TOX: variants seen among roughly 807,000 people sequenced by gnomAD.
The protein encoded by TOX is thymocyte selection associated high mobility group box.
A neutral mutation model predicts 53.7 loss-of-function variants in TOX; 11 were observed. The observed-to-expected ratio is 0.20, with a 90% CI of 0.13 to 0.34. The LOEUF (loss-of-function observed/expected upper bound fraction) is 0.34. TOX is among the 10% of genes least tolerant of loss of function. TOX has a pLI of 1.00. For missense variants in TOX, 570 were observed against 664.6 expected (o/e 0.86, Z 1.56); for synonymous variants, 225 against 245.3 (o/e 0.92, Z 0.77).
chr8:59,118,708 C>T lies in TOX; in HGVS notation c.102+178G>A, dbSNP rs879564832. ...CGCACAATCGCGGTGTTTGGCAAGC[C>T]CCCGGAGCTACTCCACAATATTTAC... On this transcript the variant is annotated intron_variant, in intron 1 of 8. Transcript: ENST00000361421. This position sits in a 1 kb window ranked among gnomAD's most constrained non-coding sequence, Gnocchi z 4.1. 6.6e-6 allele frequency among the ~76,000 whole-genome samples: 1 copy of T among 152,110 alleles called. No homozygotes were observed. The highest frequency in any genetic ancestry group is 1.5e-5 in the Non-Finnish European group (1 of 68,016).
At chr8:59,008,102 C>G (rs1204300547) in intron 1 of TOX, among the ~76,000 whole-genome samples, 1 of 152,212 alleles carries the variant, frequency 6.6e-6, no homozygotes, top group Non-Finnish European at 1.5e-5. Context: ...TTCTTCCACT[C>G]ATCAGTTTCT....
intron 3 of TOX, among the ~76,000 whole-genome samples, chr8:58,885,017 T>C (rs575467293): frequency 1.5e-4 from 23 of 152,278 alleles, no homozygotes; most frequent in Admixed American, 7.9e-4. Flanking sequence ...AAGAGTTACC[T>C]GTATTTGCAG....
chr8:59,090,924 CA>C lies in TOX; in HGVS notation c.102+27961del, dbSNP rs374453748. Among the ~76,000 whole-genome samples the C allele has an allele frequency of 1.2e-4, 19 of 152,282 alleles. No homozygotes were observed. The South Asian group carries it at 3.9e-3, about 32-fold the overall frequency. On this transcript the variant is annotated intron_variant, in intron 1 of 8. Transcript: ENST00000361421. ...AAAGCACAAGTGTCCTTTATTCTAT[CA>C]AAGGCAGTCCCACCCCAGCCTCAGT...
intron 1 of TOX, among the ~76,000 whole-genome samples, chr8:59,004,561 GT>G (rs1324657017): frequency 2.6e-5 from 4 of 152,154 alleles, no homozygotes; most frequent in African/African-American, 9.7e-5. Flanking sequence ...TGGAAAAAAG[GT>G]TTTATTCGAT....
intron 3 of TOX, among the ~76,000 whole-genome samples, chr8:58,880,174 AAGTC>A (rs1811359752): frequency 6.6e-6 from 1 of 152,174 alleles, no homozygotes; most frequent in African/African-American, 2.4e-5. Context: ...GGGTGGAGGA[AAGTC>A]AGTAGTGTGC....
chr8:58,813,069 T>C (rs1810110526), intron 7 of TOX, among the ~76,000 whole-genome samples: 1 of 152,218 alleles, frequency 6.6e-6, no homozygotes, highest in Non-Finnish European at 1.5e-5. Flanking sequence ...TCAGCAAGCA[T>C]ACTTTTTGGG....
At chr8:59,111,541 C>A (rs1805017033) in intron 1 of TOX, among the ~76,000 whole-genome samples, 1 of 152,046 alleles carries the variant, frequency 6.6e-6, no homozygotes, top group African/African-American at 2.4e-5. Flanking sequence ...CACAAACACA[C>A]ACACACATGC....
chr8:58,939,599 C>A, intron 2 of TOX, 55 bp from the exon 3 acceptor site: 3 of 1,540,022 alleles, frequency 1.9e-6, no homozygotes, highest in East Asian at 2.3e-5. Flanking sequence ...TGCTCTTCAT[C>A]ATCATATCAA....
chr8:59,073,101 C>G (rs1037950315), intron 1 of TOX, among the ~76,000 whole-genome samples: 3 of 152,166 alleles, frequency 2.0e-5, no homozygotes, highest in African/African-American at 7.2e-5. Context: ...CCACCCCCAA[C>G]ACAGGCATAC....
At chr8:58,953,821 C>T (rs1812665436) in intron 2 of TOX, among the ~76,000 whole-genome samples, 1 of 152,038 alleles carries the variant, frequency 6.6e-6, no homozygotes, top group East Asian at 1.9e-4. Flanking sequence ...ATTTATGTCA[C>T]AATCAACATG....
At chr8:58,955,861 A>G (rs1812700704) in intron 2 of TOX, among the ~76,000 whole-genome samples, 1 of 151,290 alleles carries the variant, frequency 6.6e-6, no homozygotes, top group South Asian at 2.1e-4. Context: ...CAGCCTCCCG[A>G]GTAGCTGGGA....
intron 4 of TOX, among the ~76,000 whole-genome samples, chr8:58,842,037 T>C (rs1298064313): frequency 6.6e-6 from 1 of 152,216 alleles, no homozygotes; most frequent in Non-Finnish European, 1.5e-5. Flanking sequence ...TATCATGCAA[T>C]TTAAATGCTC....
At chr8:59,031,627 T>C (rs888548421) in intron 1 of TOX, among the ~76,000 whole-genome samples, 2 of 152,042 alleles carry the variant, frequency 1.3e-5, no homozygotes, top group Admixed American at 1.3e-4. Context: ...GATGTAAGGA[T>C]TGAGATTGAA....
intron 1 of TOX, among the ~76,000 whole-genome samples, chr8:58,997,959 ATTT>A (rs1187008574): frequency 6.6e-6 from 1 of 151,856 alleles, no homozygotes. Context: ...TGCCTGGCTA[ATTT>A]TTTGTATTTT....
intron 3 of TOX, among the ~76,000 whole-genome samples, chr8:58,883,052 T>G (rs971111353): frequency 6.6e-6 from 1 of 152,250 alleles, no homozygotes; most frequent in Non-Finnish European, 1.5e-5. Context: ...CTACTTTTGT[T>G]TTTTTAATTC....
chr8:59,043,968 C>T (rs1257922363), intron 1 of TOX, among the ~76,000 whole-genome samples: 1 of 152,166 alleles, frequency 6.6e-6, no homozygotes, highest in Non-Finnish European at 1.5e-5. Context: ...GTCCCCTAAA[C>T]CATAAGTCTT....
At chr8:58,952,701 A>C (rs987007128) in intron 2 of TOX, among the ~76,000 whole-genome samples, 1 of 152,188 alleles carries the variant, frequency 6.6e-6, no homozygotes, top group African/African-American at 2.4e-5. Context: ...ATGCTATTCC[A>C]TTCAGATATT....
chr8:58,930,285 T>A (rs1366591080), intron 3 of TOX, among the ~76,000 whole-genome samples: 1 of 152,186 alleles, frequency 6.6e-6, no homozygotes, highest in African/African-American at 2.4e-5. Flanking sequence ...AACAAATAGA[T>A]TCATTCAATC....
At chr8:58,955,294 G>C (rs1282940721) in intron 2 of TOX, among the ~76,000 whole-genome samples, 1 of 151,880 alleles carries the variant, frequency 6.6e-6, no homozygotes, top group Non-Finnish European at 1.5e-5. Context: ...TAATATTTAG[G>C]GTTTACTATA....
Sources: allele counts gnomAD v4.1 joint callset (sites outside exome capture counted in the v4.1 genomes callset), GRCh38; gene constraint gnomAD v4.1.1; non-coding constraint Gnocchi (gnomAD v3.1); transcripts MANE v1.5; gene names NCBI Gene and HGNC (gene_info 2026-07-23, HGNC 2026-07-21).